The following MYO1H variants were observed in gnomAD, a reference collection of about 807,000 sequenced individuals.
MYO1H encodes the protein unconventional myosin-Ih.
Under a neutral mutation model 149.3 loss-of-function variants are expected in MYO1H, and 118 were observed. The observed-to-expected ratio is 0.79, with a 90% CI of 0.68 to 0.92. MYO1H has a LOEUF of 0.92. Among genes scored for constraint, MYO1H ranks in the 40% least tolerant of loss-of-function variants. The probability of loss-of-function intolerance (pLI) is 0.00; values close to 1 mark genes in which losing one functional copy is unlikely to be tolerated. For synonymous variants in MYO1H, 447 were observed against 465.2 expected (o/e 0.96, Z 0.50); for missense variants, 1,212 against 1,280.7 (o/e 0.95, Z 0.82).
intron 5 of MYO1H, among the ~76,000 whole-genome samples, chr12:109,398,741 C>CAAAAAA (rs35031072): frequency 3.8e-5 from 2 of 51,994 alleles, no homozygotes; most frequent in Non-Finnish European, 3.4e-5. Context: ...AACTTCCTCT[C>CAAAAAA]AAAAAAAAAA....
chr12:109,335,861 T>C, the MYO1H span, among the ~76,000 whole-genome samples: 5 of 152,206 alleles, frequency 3.3e-5, no homozygotes. Flanking sequence ...CAATAGGCAA[T>C]TTAAAAAATG....
At chr12:109,388,899 T>C (rs1869512782) in intron 2 of MYO1H, 55 bp downstream of exon 2, 5 of 1,543,012 alleles carry the variant, frequency 3.2e-6, no homozygotes, top group Non-Finnish European at 3.5e-6. Context: ...CCTTCTTGCC[T>C]TCACGACTTT....
intron 14 of MYO1H, among the ~76,000 whole-genome samples, chr12:109,414,498 GAA>G (rs1319169499): frequency 7.6e-6 from 1 of 132,408 alleles, no homozygotes; most frequent in Non-Finnish European, 1.6e-5. Context: ...AAAAAAGAAA[GAA>G]AAAAAAAATC....
chr12:109,416,378 G>GT lies in MYO1H; in HGVS notation c.1597+758_1597+759insT, dbSNP rs771334177. ...CTCTATAGATTTGACTGTTGTTGTT[G>GT]GTTTTTTTTTTTTTGACATTTTTTA... On this transcript the variant is annotated intron_variant, in intron 15 of 31. Transcript: ENST00000310903. Among the ~76,000 whole-genome samples, 100 of 135,406 alleles carry GT rather than the reference G, an allele frequency of 7.4e-4. 2 individuals carry two copies. The highest frequency in any genetic ancestry group is 2.6e-3 in the African/African-American group (92 of 35,622). 88.8% of individuals were successfully genotyped at this position (135,406 alleles called of 152,430 possible). A position where few individuals can be genotyped will look rare whatever the true frequency, so the allele number is the denominator to read the frequency against.
the MYO1H span, among the ~76,000 whole-genome samples, chr12:109,312,202 T>G: frequency 1.3e-5 from 1 of 76,964 alleles, no homozygotes; most frequent in Non-Finnish European, 3.0e-5. Context: ...AGAAGTTCAG[T>G]TTTTTTTTTT....
At chr12:109,353,601 T>C (rs966522219) in intron 1 of MYO1H, among the ~76,000 whole-genome samples, 1 of 152,236 alleles carries the variant, frequency 6.6e-6, no homozygotes, top group African/African-American at 2.4e-5. Flanking sequence ...ATATAAAATG[T>C]TATCCGAGTA....
the MYO1H span, among the ~76,000 whole-genome samples, chr12:109,332,728 C>A: frequency 4.4e-3 from 671 of 152,274 alleles, 8 homozygotes; most frequent in African/African-American, 0.015. Context: ...CAGGCACATG[C>A]CACCATAGCT....
chr12:109,442,564 T>C (rs2135604449), intron 27 of MYO1H, among the ~76,000 whole-genome samples: 1 of 152,262 alleles, frequency 6.6e-6, no homozygotes, highest in East Asian at 1.9e-4. Flanking sequence ...CACCCCCTTA[T>C]TGGTGAGAGG....
At chr12:109,395,305 G>C (rs577538846) in intron 3 of MYO1H, among the ~76,000 whole-genome samples, 1 of 152,250 alleles carries the variant, frequency 6.6e-6, no homozygotes, top group Non-Finnish European at 1.5e-5. Flanking sequence ...TTATTGAATT[G>C]AATTATTTAG....
intron 1 of MYO1H, among the ~76,000 whole-genome samples, chr12:109,384,430 T>C (rs1869263616): frequency 6.6e-6 from 1 of 152,246 alleles, no homozygotes; most frequent in African/African-American, 2.4e-5. Context: ...TTTAATGCTC[T>C]CTTTATAAGT....
intron 1 of MYO1H, among the ~76,000 whole-genome samples, chr12:109,350,784 A>T (rs1868447721): frequency 6.6e-6 from 1 of 152,234 alleles, no homozygotes; most frequent in African/African-American, 2.4e-5. Context: ...AAAGTGATAT[A>T]GGTAATTTAA....
chr12:109,434,364 G>A lies in MYO1H; in HGVS notation c.2064-673G>A, dbSNP rs111747045. ...ATTTGTCTGGCTGGGCGTGGTGGCT[G>A]GTGCCTGTAATCCCAGCTACTCGGG... is the stretch of plus-strand genomic sequence containing the variant. On this transcript the variant is annotated intron_variant, in intron 20 of 31. Coordinates refer to ENST00000310903, the Ensembl canonical transcript of MYO1H. Among the ~76,000 whole-genome samples the A allele has an allele frequency of 6.6e-5, 10 of 152,214 alleles. 1 individual carries two copies. Among genetic ancestry groups the A allele is most frequent in the African/African-American group, 2.4e-4 (10 of 41,534 alleles).
At chr12:109,350,474 TCTC>T (rs1268978077) in intron 1 of MYO1H, among the ~76,000 whole-genome samples, 1 of 152,154 alleles carries the variant, frequency 6.6e-6, no homozygotes, top group Non-Finnish European at 1.5e-5. Flanking sequence ...CTCATTCTCT[TCTC>T]TGCCGCCATG....
chr12:109,323,005 G>A, the MYO1H span, among the ~76,000 whole-genome samples: 1 of 152,014 alleles, frequency 6.6e-6, no homozygotes, highest in African/African-American at 2.4e-5. Context: ...TACTCGGGAG[G>A]CTGAGGCAGG....
intron 20 of MYO1H, among the ~76,000 whole-genome samples, chr12:109,433,498 T>C (rs1451169819): frequency 6.6e-6 from 1 of 152,220 alleles, no homozygotes; most frequent in Non-Finnish European, 1.5e-5. Context: ...TCAAGGGACA[T>C]GAATCGGGAA....
intron 20 of MYO1H, among the ~76,000 whole-genome samples, chr12:109,434,255 C>T (rs1015152349): frequency 6.6e-6 from 1 of 152,170 alleles, no homozygotes; most frequent in Non-Finnish European, 1.5e-5. Flanking sequence ...GGTGATTCAC[C>T]TGCCTCGGCC....
chr12:109,427,316 C>CAA (rs34644066), intron 18 of MYO1H, among the ~76,000 whole-genome samples, 153 bp from the exon 19 acceptor site: 5,963 of 101,104 alleles, frequency 0.059, 357 homozygotes, highest in African/African-American at 0.16. Flanking sequence ...AACCCCATCT[C>CAA]AAAAAAAAAA....
chr12:109,364,160 G>GAC (rs1868814668), intron 1 of MYO1H, among the ~76,000 whole-genome samples: 1 of 114,344 alleles, frequency 8.7e-6, no homozygotes, highest in Non-Finnish European at 1.7e-5. Context: ...AACAGAGAGA[G>GAC]ACCATGTCTT....
At chr12:109,429,435 A>C (rs560995844) in intron 19 of MYO1H, among the ~76,000 whole-genome samples, 2 of 152,358 alleles carry the variant, frequency 1.3e-5, no homozygotes, top group South Asian at 4.1e-4. Context: ...CAATAAAAAT[A>C]ACAATACAAC....
Sources: allele counts gnomAD v4.1 joint callset (sites outside exome capture counted in the v4.1 genomes callset), GRCh38; gene constraint gnomAD v4.1.1; transcripts MANE v1.5; gene names NCBI Gene and HGNC (gene_info 2026-07-23, HGNC 2026-07-21).